RPA1: variants seen among roughly 807,000 people sequenced by gnomAD.
RPA1 encodes the protein replication protein A 70 kDa DNA-binding subunit.
Under a neutral mutation model 83.0 loss-of-function variants are expected in RPA1, and 49 were observed. The observed-to-expected ratio is 0.59, with a 90% CI of 0.47 to 0.75. RPA1 has a LOEUF of 0.75. Ranked by LOEUF, RPA1 falls within the 30% of genes least tolerant of loss-of-function variation. The pLI, the probability that RPA1 is intolerant of heterozygous loss-of-function variation, is 0.00. For synonymous variants in RPA1, 279 were observed against 281.8 expected (o/e 0.99, Z 0.10); for missense variants, 693 against 776.1 (o/e 0.89, Z 1.27).
At chr17:1,853,655 C>T (rs2151275288) in intron 5 of RPA1, among the ~76,000 whole-genome samples, 1 of 152,238 alleles carries the variant, frequency 6.6e-6, no homozygotes, top group African/African-American at 2.4e-5. Context: ...TGCACTCCAG[C>T]CTGGGCAACA....
intron 9 of RPA1, 75 bp downstream of exon 9, chr17:1,879,136 G>C: frequency 1.2e-6 from 2 of 1,610,048 alleles, no homozygotes; most frequent in African/African-American, 1.3e-5. Context: ...GCCCAGGGGA[G>C]GGGTGTGTGG....
intron 5 of RPA1, among the ~76,000 whole-genome samples, chr17:1,854,939 C>G (rs183983233): frequency 6.6e-6 from 1 of 152,128 alleles, no homozygotes; most frequent in Non-Finnish European, 1.5e-5. Flanking sequence ...TGTCTTGTTC[C>G]TGATCTCAGG....
intron 13 of RPA1, among the ~76,000 whole-genome samples, chr17:1,885,758 C>T (rs956618786): frequency 6.6e-6 from 1 of 152,162 alleles, no homozygotes; most frequent in African/African-American, 2.4e-5. Flanking sequence ...TTAATAGCAT[C>T]TAGAATGGTG....
chr17:1,888,308 G>T (rs1337078065), intron 13 of RPA1, among the ~76,000 whole-genome samples: 1 of 152,162 alleles, frequency 6.6e-6, no homozygotes, highest in Admixed American at 6.5e-5. Context: ...CTAGATCTGT[G>T]GCCTTTGGAG....
chr17:1,830,244 T>C (rs912010747), intron 1 of RPA1, 118 bp downstream of exon 1: 1 of 183,664 alleles, frequency 5.4e-6, no homozygotes, highest in Non-Finnish European at 8.4e-6. Context: ...GGGGAGGAGA[T>C]GGCGGGGGGC....
At chr17:1,849,418 C>G (rs1320499852) in intron 4 of RPA1, among the ~76,000 whole-genome samples, 2 of 151,582 alleles carry the variant, frequency 1.3e-5, no homozygotes, top group Non-Finnish European at 2.9e-5. Flanking sequence ...TCAGCCTCCC[C>G]AGTAGCTGGG....
intron 16 of RPA1, among the ~76,000 whole-genome samples, chr17:1,895,663 T>TATGTATGTATG (rs1567831578): frequency 9.7e-4 from 17 of 17,604 alleles, no homozygotes; most frequent in African/African-American, 3.2e-3. Context: ...CATATAGTAT[T>TATGTATGTATG]TATTTATTTA....
intron 1 of RPA1, among the ~76,000 whole-genome samples, chr17:1,835,427 G>C (rs952920836): frequency 1.3e-5 from 2 of 152,014 alleles, no homozygotes; most frequent in African/African-American, 2.4e-5. Context: ...AAGTCTTTGG[G>C]ATTATAGGCA....
intron 15 of RPA1, among the ~76,000 whole-genome samples, 185 bp downstream of exon 15, chr17:1,892,125 GC>G (rs1476746116): frequency 6.6e-6 from 1 of 151,918 alleles, no homozygotes; most frequent in Non-Finnish European, 1.5e-5. Context: ...TCCTGCCCCA[GC>G]CTCCTGAGTA....
chr17:1,872,276 A>T, intron 5 of RPA1, 158 bp from the exon 6 acceptor site: 1 of 1,126,548 alleles, frequency 8.9e-7, no homozygotes, highest in Non-Finnish European at 1.2e-6. Context: ...TAGCAAATTC[A>T]CCGAGTGCCA....
intron 4 of RPA1, among the ~76,000 whole-genome samples, chr17:1,847,937 C>G (rs796419023): frequency 4.5e-4 from 68 of 151,788 alleles, no homozygotes; most frequent in African/African-American, 1.6e-3. Flanking sequence ...GCAGGAGAAT[C>G]GCTTGAACCC....
At position 1,884,013 on chromosome 17, in the gene RPA1, G is replaced by C; in HGVS notation, c.1374+69G>C. On this transcript the variant is annotated intron_variant, in intron 13 of 16. Coordinates refer to ENST00000254719, the MANE Select transcript of RPA1 (RefSeq NM_002945.5). This position sits in a 1 kb window ranked among gnomAD's most constrained non-coding sequence, Gnocchi z 4.1. ...TGCAGAAGGATGGATTTAGAAACTT[G>C]GTTTCCAGCACCAGCTGTCAGAGCC... The C allele has an allele frequency of 6.3e-7, 1 of 1,589,704 alleles. No individual in the cohort carries two copies. The highest frequency in any genetic ancestry group is 8.6e-7 in the Non-Finnish European group (1 of 1,164,474).
At chr17:1,871,122 G>T (rs1913362535) in intron 5 of RPA1, among the ~76,000 whole-genome samples, 1 of 152,072 alleles carries the variant, frequency 6.6e-6, no homozygotes, top group South Asian at 2.1e-4. Context: ...TTGCTATTTT[G>T]TGTGACGCTT....
rs543008357 is a variant in RPA1, at chr17:1,858,454, T to A, written c.361+5265T>A. On this transcript the variant is annotated intron_variant, in intron 5 of 16. Transcript: ENST00000254719. The stretch of plus-strand genomic sequence containing the variant: ...CAGCAACAGCGCAGCCATCTTGGGT[T>A]CTGGTCTCTCTTTTTCTTTTTTTTT... 2.8e-4 allele frequency: 368 copies of A among 1,310,794 alleles called. 3 individuals are homozygous for A. The East Asian group carries it at 8.1e-3, about 29-fold the overall frequency. The allele number at this position is 1,310,794 out of a possible 1,614,324, so 81.2% of individuals were successfully genotyped here.
intron 13 of RPA1, among the ~76,000 whole-genome samples, chr17:1,887,283 C>G (rs1463135170): frequency 6.6e-6 from 1 of 152,034 alleles, no homozygotes; most frequent in Non-Finnish European, 1.5e-5. Flanking sequence ...GTAGGCCAGG[C>G]GCGGTGGCTC....
rs531366710 is a variant in RPA1, at chr17:1,887,452, G to A, written c.1375-1223G>A. On this transcript the variant is annotated intron_variant, in intron 13 of 16. Transcript: ENST00000254719. ...TGCATGCCTGTAGTCCCAGCTTCTC[G>A]GGAGGCTGAGGCAGGAGAATCGTTT... Among the ~76,000 whole-genome samples, 5 of 152,028 alleles carry A rather than the reference G, an allele frequency of 3.3e-5. No homozygotes were observed. The East Asian group carries it at 5.8e-4, about 18-fold the overall frequency.
intron 5 of RPA1, among the ~76,000 whole-genome samples, chr17:1,856,809 G>A (rs1912717218): frequency 6.6e-6 from 1 of 151,496 alleles, no homozygotes; most frequent in Admixed American, 6.6e-5. Context: ...TGGAATTATA[G>A]CATATATATA....
At chr17:1,870,113 C>G (rs1913323051) in intron 5 of RPA1, among the ~76,000 whole-genome samples, 1 of 152,152 alleles carries the variant, frequency 6.6e-6, no homozygotes, top group Non-Finnish European at 1.5e-5. Flanking sequence ...TACGTGGTTC[C>G]TCTAACCCAG....
intron 1 of RPA1, among the ~76,000 whole-genome samples, chr17:1,836,694 C>T (rs1347771199): frequency 6.6e-6 from 1 of 151,248 alleles, no homozygotes; most frequent in Non-Finnish European, 1.5e-5. Flanking sequence ...GAGGTAGGGT[C>T]TCTGTCACCC....
Sources: gnomAD v4.1 joint callset for allele counts (sites outside exome capture counted in the v4.1 genomes callset) on GRCh38, gnomAD v4.1.1 for gene constraint, Gnocchi (gnomAD v3.1) non-coding constraint, MANE v1.5 for transcripts, NCBI Gene and HGNC (gene_info 2026-07-23, HGNC 2026-07-21) for gene names.